Variants in C1GALT1 observed in about 807,000 individuals in gnomAD.
C1GALT1 encodes the protein glycoprotein-N-acetylgalactosamine 3-beta-galactosyltransferase 1.
A neutral mutation model predicts 31.0 loss-of-function variants in C1GALT1; 11 were observed. That is an observed-to-expected ratio of 0.36 (90% CI 0.22 to 0.59). The LOEUF is 0.59. C1GALT1 is among the 20% of genes least tolerant of loss of function. The pLI, the probability that C1GALT1 is intolerant of heterozygous loss-of-function variation, is 0.79. For synonymous variants in C1GALT1, 175 were observed against 143.6 expected (o/e 1.22, Z -1.56); for missense variants, 424 against 425.2 (o/e 1.00, Z 0.03).
chr7:7,162,942 C>T (rs537472607), intron 2 of C1GALT1, among the ~76,000 whole-genome samples: 169 of 151,718 alleles, frequency 1.1e-3, no homozygotes, highest in African/African-American at 3.5e-3. Context: ...TCATGTCCTT[C>T]GCCCACTTTT....
At chr7:7,180,164 A>G (rs1330754282), upstream of C1GALT1, among the ~76,000 whole-genome samples, 1 of 152,256 alleles carries the variant, frequency 6.6e-6, no homozygotes, top group African/African-American at 2.4e-5. Flanking sequence ...CAAGAGAAAC[A>G]ACAATACTGA....
Position 7,235,083 on chromosome 7 carries a change from G to A in C1GALT1, c.220+544G>A, listed in dbSNP as rs539749127. 5 of 152,354 alleles carry A rather than the reference G, an allele frequency of 3.3e-5. No individual in the cohort carries two copies. The East Asian group carries it at 9.7e-4, about 29-fold the overall frequency. The allele number at this position is 152,354 out of a possible 1,614,324, so 9.4% of individuals were successfully genotyped here. A position where few individuals can be genotyped will look rare whatever the true frequency, so the allele number is the denominator to read the frequency against. The stretch of plus-strand genomic sequence containing the variant: ...ATTTTCTCAGTTGAGTTATTTATGT[G>A]TCCCTTAAGTGTTGGTTCTCTCCAA... On this transcript the variant is annotated intron_variant, in intron 2 of 3. Transcript: ENST00000436587.
At chr7:7,235,972 C>G (rs1402177440) in intron 2 of C1GALT1, among the ~76,000 whole-genome samples, 1 of 152,190 alleles carries the variant, frequency 6.6e-6, no homozygotes, top group African/African-American at 2.4e-5. Context: ...CTCAACCAAA[C>G]TTCACCATTC....
chr7:7,193,084 G>T (rs1781143334), intron 1 of C1GALT1, among the ~76,000 whole-genome samples: 1 of 151,936 alleles, frequency 6.6e-6, no homozygotes, highest in Non-Finnish European at 1.5e-5. Context: ...AGTTTACCAA[G>T]ATTTTCTCCA....
intron 1 of C1GALT1, among the ~76,000 whole-genome samples, chr7:7,201,463 G>C (rs993046402): frequency 6.6e-6 from 1 of 152,198 alleles, no homozygotes; most frequent in African/African-American, 2.4e-5. Flanking sequence ...GGCCCCACTT[G>C]AGGAGGCAGT....
At chr7:7,164,168 C>T (rs2128226688) in intron 2 of C1GALT1, among the ~76,000 whole-genome samples, 1 of 152,236 alleles carries the variant, frequency 6.6e-6, no homozygotes, top group African/African-American at 2.4e-5. Flanking sequence ...CACCGTATAT[C>T]TACAACTATC....
intron 1 of C1GALT1, among the ~76,000 whole-genome samples, chr7:7,186,359 A>C (rs1441683503): frequency 6.6e-6 from 1 of 152,200 alleles, no homozygotes; most frequent in Non-Finnish European, 1.5e-5. Flanking sequence ...GAGATAAAAC[A>C]GTGGATAGGC....
At chr7:7,159,115 G>GA (rs895034674) in intron 2 of C1GALT1, among the ~76,000 whole-genome samples, 5 of 151,600 alleles carry the variant, frequency 3.3e-5, no homozygotes, top group Middle Eastern at 3.2e-3. Flanking sequence ...TTAGAAACAG[G>GA]AAAAAAAAGT....
chr7:7,188,610 C>T (rs919864058), intron 1 of C1GALT1, among the ~76,000 whole-genome samples: 1 of 152,108 alleles, frequency 6.6e-6, no homozygotes, highest in Non-Finnish European at 1.5e-5. Flanking sequence ...ATTTGTCCTT[C>T]CTTGCTCATG....
At chr7:7,192,086 T>C (rs1376830968) in intron 1 of C1GALT1, among the ~76,000 whole-genome samples, 1 of 152,088 alleles carries the variant, frequency 6.6e-6, no homozygotes. Flanking sequence ...TTCTAAGAAT[T>C]TTATAGTTTT....
chr7:7,205,875 G>A (rs951764399), intron 1 of C1GALT1, among the ~76,000 whole-genome samples: 2 of 152,036 alleles, frequency 1.3e-5, no homozygotes, highest in Non-Finnish European at 2.9e-5. Flanking sequence ...TCTGCCTTTT[G>A]ATTAGAGTTT....
At chr7:7,195,031 T>C (rs1003151193) in intron 1 of C1GALT1, among the ~76,000 whole-genome samples, 1 of 152,216 alleles carries the variant, frequency 6.6e-6, no homozygotes, top group African/African-American at 2.4e-5. Context: ...TCCATTTCAT[T>C]TCTAATTGAG....
chr7:7,169,541 TG>T (rs1214097646), intron 2 of C1GALT1, among the ~76,000 whole-genome samples: 1 of 150,624 alleles, frequency 6.6e-6, no homozygotes, highest in Non-Finnish European at 1.5e-5. Flanking sequence ...TTGGATATTT[TG>T]TTTTTTTTTT....
intron 1 of C1GALT1, among the ~76,000 whole-genome samples, chr7:7,183,103 CCTTGTGCCCG>C (rs1780656466): frequency 6.6e-6 from 1 of 152,126 alleles, no homozygotes; most frequent in Non-Finnish European, 1.5e-5. Context: ...TGGGTCCTTC[CCTTGTGCCCG>C]CTCGCGCCCC....
chr7:7,162,478 G>T (rs1375946440), intron 2 of C1GALT1, among the ~76,000 whole-genome samples: 1 of 151,586 alleles, frequency 6.6e-6, no homozygotes, highest in African/African-American at 2.4e-5. Context: ...GTATTCCATG[G>T]TGTATATGTG....
At chr7:7,158,272 T>C (rs1780295333) in intron 2 of C1GALT1, among the ~76,000 whole-genome samples, 1 of 152,306 alleles carries the variant, frequency 6.6e-6, no homozygotes, top group East Asian at 1.9e-4. Context: ...AGTGATCTAC[T>C]GCAGGGCTCT....
intron 1 of C1GALT1, among the ~76,000 whole-genome samples, chr7:7,206,534 G>T (rs1781746704): frequency 6.6e-6 from 1 of 151,882 alleles, no homozygotes; most frequent in Non-Finnish European, 1.5e-5. Flanking sequence ...AAATTAGCTG[G>T]GTATGGTGGC....
chr7:7,198,022 T>C (rs1239739735), intron 1 of C1GALT1, among the ~76,000 whole-genome samples: 1 of 152,204 alleles, frequency 6.6e-6, no homozygotes, highest in Non-Finnish European at 1.5e-5. Context: ...TTGAATACTC[T>C]TTGTTTCTTT....
At position 7,163,129 on chromosome 7, in the gene C1GALT1, A is replaced by G. The variant is rs553927462; in HGVS notation, c.-18+5703A>G. On this transcript the variant is annotated intron_variant, in intron 2 of 3. Transcript: ENST00000429911. ...AAGCTCTTTAGTTTAATTAGATCCC[A>G]TTTGTCAATTTTGGCTTCTGTTGCC... Among the ~76,000 whole-genome samples the G allele has an allele frequency of 4.6e-5, 7 of 152,094 alleles. No homozygotes were observed. In the East Asian group the frequency reaches 9.7e-4, roughly 21 times the overall value.
Sources: gnomAD v4.1 joint callset for allele counts (sites outside exome capture counted in the v4.1 genomes callset) on GRCh38, gnomAD v4.1.1 for gene constraint, MANE v1.5 for transcripts, NCBI Gene and HGNC (gene_info 2026-07-23, HGNC 2026-07-21) for gene names.